Variants in RFC3 observed in about 807,000 individuals in gnomAD.
RFC3 encodes replication factor C subunit 3.
In RFC3, 41 loss-of-function variants were observed where a neutral mutation model predicts 45.1. The ratio of observed to expected loss-of-function variants is 0.91; its 90% CI spans 0.71 to 1.18. The LOEUF is 1.18. Ranked by LOEUF, RFC3 falls within the 50% of genes most tolerant of loss-of-function variation. The pLI is 0.00. For missense variants in RFC3, 423 were observed against 428.1 expected (o/e 0.99, Z 0.10); for synonymous variants, 149 against 144.0 (o/e 1.03, Z -0.25).
the RFC3 span, among the ~76,000 whole-genome samples, chr13:33,973,991 G>T: frequency 6.6e-6 from 1 of 152,060 alleles, no homozygotes; most frequent in South Asian, 2.1e-4. Context: ...ACCAAGATCT[G>T]TATTTTGTTC....
chr13:33,868,937 T>C (rs929465418), intron 8 of RFC3, among the ~76,000 whole-genome samples: 1 of 152,216 alleles, frequency 6.6e-6, no homozygotes, highest in Non-Finnish European at 1.5e-5. Flanking sequence ...GCTTAAATAT[T>C]CAAATGTTCC....
intron 8 of RFC3, among the ~76,000 whole-genome samples, chr13:33,959,371 C>T (rs2083041946): frequency 6.6e-6 from 1 of 152,120 alleles, no homozygotes; most frequent in African/African-American, 2.4e-5. Flanking sequence ...CCTGTTATTC[C>T]CAGTTCTTCC....
chr13:33,852,554 T>C (rs1456619696), intron 8 of RFC3, among the ~76,000 whole-genome samples: 1 of 152,084 alleles, frequency 6.6e-6, no homozygotes, highest in East Asian at 1.9e-4. Flanking sequence ...CCTCAAAATT[T>C]GGTATATTCA....
chr13:33,923,530 C>T (rs568925304), intron 8 of RFC3, among the ~76,000 whole-genome samples: 1 of 152,112 alleles, frequency 6.6e-6, no homozygotes, highest in Non-Finnish European at 1.5e-5. Flanking sequence ...CTTCAGGCCA[C>T]ATGGTCACTT....
chr13:33,904,959 A>G (rs538085500), intron 8 of RFC3, among the ~76,000 whole-genome samples: 1 of 152,238 alleles, frequency 6.6e-6, no homozygotes, highest in South Asian at 2.1e-4. Flanking sequence ...TGTAGAGAAA[A>G]ACAATGGAAT....
chr13:33,863,870 C>G (rs2082357043), intron 8 of RFC3, among the ~76,000 whole-genome samples: 1 of 152,200 alleles, frequency 6.6e-6, no homozygotes, highest in Admixed American at 6.5e-5. Flanking sequence ...AAACATCTCT[C>G]CCGAGGTTTT....
At chr13:33,856,876 T>C (rs2082311584) in intron 8 of RFC3, among the ~76,000 whole-genome samples, 2 of 152,164 alleles carry the variant, frequency 1.3e-5, no homozygotes. Context: ...CTTGAAAGGC[T>C]TTGGAAGCTC....
At chr13:33,960,107 C>T (rs1002051126) in intron 8 of RFC3, among the ~76,000 whole-genome samples, 21 of 152,080 alleles carry the variant, frequency 1.4e-4, no homozygotes, top group African/African-American at 5.1e-4. Context: ...AAATCCACCC[C>T]CATGATCCAG....
chr13:33,876,201 A>T (rs987314226), intron 8 of RFC3, among the ~76,000 whole-genome samples: 1 of 152,126 alleles, frequency 6.6e-6, no homozygotes, highest in Non-Finnish European at 1.5e-5. Flanking sequence ...AAATGAGCAT[A>T]CTCAGCATAT....
At chr13:33,878,893 G>C (rs1252845082) in intron 8 of RFC3, among the ~76,000 whole-genome samples, 1 of 152,020 alleles carries the variant, frequency 6.6e-6, no homozygotes, top group East Asian at 1.9e-4. Flanking sequence ...GGCCTTTAAA[G>C]CTTCAAGAAA....
chr13:33,947,246 T>A (rs2082960146), intron 8 of RFC3, among the ~76,000 whole-genome samples: 1 of 152,172 alleles, frequency 6.6e-6, no homozygotes, highest in Admixed American at 6.5e-5. Context: ...GTTCTCATGA[T>A]AATGAGTGAG....
At chr13:33,943,956 T>C (rs1225098357) in intron 8 of RFC3, among the ~76,000 whole-genome samples, 2 of 152,128 alleles carry the variant, frequency 1.3e-5, no homozygotes, top group African/African-American at 4.8e-5. Flanking sequence ...GGGTATGTCT[T>C]TTACAAAGCC....
intron 8 of RFC3, among the ~76,000 whole-genome samples, chr13:33,924,986 T>A (rs112053798): frequency 0.015 from 2,228 of 149,830 alleles, 59 homozygotes; most frequent in African/African-American, 0.045. Flanking sequence ...AGGTGATAAA[T>A]GTGTTAACTA....
chr13:33,884,078 T>C (rs2082504075), intron 8 of RFC3, among the ~76,000 whole-genome samples: 1 of 152,236 alleles, frequency 6.6e-6, no homozygotes, highest in South Asian at 2.1e-4. Flanking sequence ...CATCATTTAT[T>C]GAGCAACTAC....
intron 8 of RFC3, among the ~76,000 whole-genome samples, chr13:33,927,645 G>A (rs914847528): frequency 3.3e-5 from 5 of 152,092 alleles, no homozygotes; most frequent in Admixed American, 2.0e-4. Flanking sequence ...TCCCATCATG[G>A]CCCTGGCTCC....
At chr13:33,845,370 A>G (rs914863324) in intron 8 of RFC3, among the ~76,000 whole-genome samples, 3 of 132,584 alleles carry the variant, frequency 2.3e-5, no homozygotes, top group African/African-American at 2.4e-5. Context: ...TTCTACCTCT[A>G]TATCTCTCTC....
At position 33,957,431 on chromosome 13, in the gene RFC3, A is replaced by G. The variant is rs555746751; in HGVS notation, c.880-8656A>G. ...AGGTACCATTATGGCAATGCAAAAT[A>G]AAACATGGGATGAAGTTGCTCAGGA... On this transcript the variant is annotated intron_variant, in intron 8 of 8. Transcript: ENST00000434425. Among the ~76,000 whole-genome samples the G allele has an allele frequency of 1.8e-4, 28 of 152,350 alleles. No individual in the cohort carries two copies. The South Asian group carries it at 5.6e-3, about 30-fold the overall frequency.
At chr13:33,820,774 T>C (rs1017293102) in intron 1 of RFC3, among the ~76,000 whole-genome samples, 19 of 152,092 alleles carry the variant, frequency 1.2e-4, no homozygotes, top group Admixed American at 3.3e-4. Flanking sequence ...TTTAAAAAGT[T>C]TTCTAGGAGA....
At chr13:33,909,068 G>C (rs903949914) in intron 8 of RFC3, among the ~76,000 whole-genome samples, 3 of 151,972 alleles carry the variant, frequency 2.0e-5, no homozygotes, top group Non-Finnish European at 2.9e-5. Context: ...GGTACCCCAG[G>C]TCCACTCAAG....
Sources: gnomAD v4.1 joint callset for allele counts (sites outside exome capture counted in the v4.1 genomes callset) on GRCh38, gnomAD v4.1.1 for gene constraint, MANE v1.5 for transcripts, NCBI Gene and HGNC (gene_info 2026-07-23, HGNC 2026-07-21) for gene names.